ARHGEF3: variants seen among roughly 807,000 people sequenced by gnomAD.
ARHGEF3 encodes 59.8 kDA protein.
A neutral mutation model predicts 63.2 loss-of-function variants in ARHGEF3; 28 were observed. That is an observed-to-expected ratio of 0.44 (90% CI 0.33 to 0.61). ARHGEF3 has a LOEUF of 0.61. ARHGEF3 is among the 20% of genes least tolerant of loss of function. The pLI is 0.03. For missense variants in ARHGEF3, 533 were observed against 659.3 expected, an observed-to-expected ratio of 0.81 and a Z score of 2.10; for synonymous variants, 266 against 254.2, an observed-to-expected ratio of 1.05 and a Z score of -0.44.
chr3:56,795,653 C>CT (rs1324495358), intron 1 of ARHGEF3, among the ~76,000 whole-genome samples: 1 of 69,266 alleles, frequency 1.4e-5, no homozygotes. Flanking sequence ...CAGTCTCTCT[C>CT]TCTTTTTTTT....
intron 4 of ARHGEF3, among the ~76,000 whole-genome samples, chr3:56,848,735 C>T (rs772033147): frequency 1.3e-5 from 2 of 151,594 alleles, no homozygotes; most frequent in Non-Finnish European, 2.9e-5. Flanking sequence ...GGTGTGATCT[C>T]GGCTCACTGC....
intron 4 of ARHGEF3, 78 bp downstream of exon 4, chr3:56,753,426 A>G (rs967283004): frequency 4.0e-6 from 5 of 1,242,216 alleles, no homozygotes; most frequent in Admixed American, 1.9e-5. Flanking sequence ...GTTCTCACGA[A>G]GCACCACTTT....
chr3:57,002,835 G>A (rs62251159), intron 2 of ARHGEF3, among the ~76,000 whole-genome samples: 21,038 of 147,220 alleles, frequency 0.14, 1,972 homozygotes, highest in Non-Finnish European at 0.2. Context: ...GTGCAGTGGC[G>A]CAATCTTGGC....
At chr3:56,765,737 C>T (rs1208041775) in intron 2 of ARHGEF3, among the ~76,000 whole-genome samples, 2 of 152,066 alleles carry the variant, frequency 1.3e-5, no homozygotes, top group African/African-American at 4.8e-5. Context: ...CCTTGACGAC[C>T]CCTCAGGCCA....
At chr3:56,985,149 T>C (rs950406661) in intron 2 of ARHGEF3, among the ~76,000 whole-genome samples, 2 of 152,214 alleles carry the variant, frequency 1.3e-5, no homozygotes, top group African/African-American at 4.8e-5. Flanking sequence ...AATGCAATGG[T>C]GCAATCCTAG....
intron 3 of ARHGEF3, among the ~76,000 whole-genome samples, chr3:56,907,208 T>C (rs989507420): frequency 1.3e-5 from 2 of 152,106 alleles, no homozygotes; most frequent in Non-Finnish European, 2.9e-5. Flanking sequence ...CTCAATCTCC[T>C]GACCTCAGGT....
chr3:56,903,352 C>A (rs891823784), intron 3 of ARHGEF3, among the ~76,000 whole-genome samples: 22 of 152,344 alleles, frequency 1.4e-4, no homozygotes, highest in African/African-American at 5.3e-4. Flanking sequence ...AGCTTCCAGG[C>A]ATGCTGAAAA....
At chr3:56,899,975 T>A (rs1249260614) in intron 3 of ARHGEF3, among the ~76,000 whole-genome samples, 3 of 152,212 alleles carry the variant, frequency 2.0e-5, no homozygotes, top group Admixed American at 2.0e-4. Flanking sequence ...GCGTTCGCCA[T>A]CCTTTGTTTG....
chr3:56,928,719 A>G lies in ARHGEF3; in HGVS notation c.129+30104T>C, dbSNP rs117544199. On this transcript the variant is annotated intron_variant, in intron 3 of 12. Coordinates refer to the ARHGEF3 transcript ENST00000338458. ...TTTGGAAAATGTGCCTCTGCCCCCC[A>G]GTGAACTGCCACCTAAGGAAAAACT... 9.5e-4 allele frequency among the ~76,000 whole-genome samples: 144 copies of G among 152,274 alleles called. 1 individual carries two copies. In the East Asian group the frequency reaches 0.025, roughly 27 times the overall value.
intron 1 of ARHGEF3, among the ~76,000 whole-genome samples, chr3:57,037,982 C>T (rs1201343624): frequency 3.9e-5 from 6 of 152,324 alleles, no homozygotes; most frequent in East Asian, 3.9e-4. Flanking sequence ...GAAGGATGCC[C>T]GAGGGCCTGA....
chr3:56,995,941 G>C (rs1344694959), intron 2 of ARHGEF3, among the ~76,000 whole-genome samples: 2 of 152,132 alleles, frequency 1.3e-5, no homozygotes, highest in African/African-American at 4.8e-5. Flanking sequence ...ACTCCCACCT[G>C]TGATGAGAAG....
chr3:56,893,961 A>G (rs1019127948), intron 3 of ARHGEF3, among the ~76,000 whole-genome samples: 3 of 152,116 alleles, frequency 2.0e-5, no homozygotes, highest in Admixed American at 6.6e-5. Context: ...AAATGACTTG[A>G]CTAAGGCTGC....
chr3:56,929,847 A>T (rs1054582625), intron 3 of ARHGEF3, among the ~76,000 whole-genome samples: 1 of 150,054 alleles, frequency 6.7e-6, no homozygotes, highest in African/African-American at 2.5e-5. Flanking sequence ...AACTGAGGAA[A>T]ATCCAGTAGA....
At chr3:56,777,876 C>T (rs575382439) in intron 1 of ARHGEF3, among the ~76,000 whole-genome samples, 2 of 152,184 alleles carry the variant, frequency 1.3e-5, no homozygotes, top group African/African-American at 2.4e-5. Context: ...TACATCTGGC[C>T]AGGAGCAAGG....
chr3:56,803,183 T>G (rs2037735458), upstream of ARHGEF3, among the ~76,000 whole-genome samples: 3 of 152,284 alleles, frequency 2.0e-5, no homozygotes, highest in Admixed American at 2.0e-4. Context: ...TTAAAGATAG[T>G]GAACAAAAGG....
chr3:56,887,948 C>T (rs1012491217), intron 3 of ARHGEF3, among the ~76,000 whole-genome samples: 2 of 152,102 alleles, frequency 1.3e-5, no homozygotes, highest in Middle Eastern at 3.2e-3. Context: ...GACACCTTTC[C>T]CTTTCATTAA....
At chr3:57,049,829 G>A (rs1277732007) in intron 1 of ARHGEF3, among the ~76,000 whole-genome samples, 1 of 152,214 alleles carries the variant, frequency 6.6e-6, no homozygotes, top group Non-Finnish European at 1.5e-5. Context: ...CCCACTAGGT[G>A]CAGCCCCCTG....
Position 57,016,841 on chromosome 3 carries a change from C to T in ARHGEF3, c.62+18247G>A, listed in dbSNP as rs959613919. Reference sequence around the variant, plus strand: ...GGTCTTCTTTGTGGAGTGCAGCTGGCGGTTATGATAAGCAGGTGTCAGGAC... The same window carrying T: ...GGTCTTCTTTGTGGAGTGCAGCTGGTGGTTATGATAAGCAGGTGTCAGGAC... On this transcript the variant is annotated intron_variant, in intron 2 of 12. Coordinates refer to the ARHGEF3 transcript ENST00000338458. Among the ~76,000 whole-genome samples, 5 of 151,852 alleles carry T rather than the reference C, an allele frequency of 3.3e-5. No individual in the cohort carries two copies. The South Asian group carries it at 6.3e-4, about 19-fold the overall frequency.
intron 4 of ARHGEF3, among the ~76,000 whole-genome samples, chr3:56,860,247 G>T (rs1472679127): frequency 6.6e-6 from 1 of 151,912 alleles, no homozygotes; most frequent in Non-Finnish European, 1.5e-5. Context: ...GTACGATCAT[G>T]GCTCACTGCA....
Sources: allele counts gnomAD v4.1 joint callset (sites outside exome capture counted in the v4.1 genomes callset), GRCh38; gene constraint gnomAD v4.1.1; transcripts MANE v1.5; gene names NCBI Gene and HGNC (gene_info 2026-07-23, HGNC 2026-07-21).